ABHD6: variants seen among roughly 807,000 people sequenced by gnomAD.
ABHD6 encodes monoacylglycerol lipase ABHD6.
A neutral mutation model predicts 38.8 loss-of-function variants in ABHD6; 33 were observed. The ratio of observed to expected loss-of-function variants is 0.85; its 90% CI spans 0.64 to 1.14. The LOEUF is 1.14. Among genes scored for constraint, ABHD6 ranks in the 50% most tolerant of loss-of-function variants. ABHD6 has a pLI of 0.00. For missense variants in ABHD6, 380 were observed against 422.6 expected (o/e 0.90, Z 0.88); for synonymous variants, 147 against 161.6 (o/e 0.91, Z 0.69).
Position 58,238,894 on chromosome 3 carries a change from G to C in ABHD6, c.-91+978G>C, listed in dbSNP as rs1234199093. Among the ~76,000 whole-genome samples, 1 of 152,120 alleles carries C rather than the reference G, an allele frequency of 6.6e-6. No individual in the cohort carries two copies. The highest frequency in any genetic ancestry group is 1.5e-5 in the Non-Finnish European group (1 of 68,012). On this transcript the variant is annotated intron_variant, in intron 1 of 9. Coordinates refer to ENST00000478253, the MANE Select transcript of ABHD6 (RefSeq NM_001320126.2). This position sits in a 1 kb window ranked among gnomAD's most constrained non-coding sequence, Gnocchi z 6.9. ...GGCTCCACCTGGCTAAGAGTTTAAA[G>C]TAGTTTATAATGAATAATAGCTGAC...
chr3:58,262,141 C>CA (rs1358943663), intron 3 of ABHD6, among the ~76,000 whole-genome samples: 1 of 152,100 alleles, frequency 6.6e-6, no homozygotes, highest in East Asian at 1.9e-4. Context: ...TAGACAAACT[C>CA]ATAGAGAAAG....
rs1031565545 is a variant in ABHD6 at position 58,265,166 on chromosome 3, C to G, written c.120-2023C>G. Among the ~76,000 whole-genome samples, 11 of 152,180 alleles carry G rather than the reference C, an allele frequency of 7.2e-5. No individual in the cohort carries two copies. Among genetic ancestry groups the G allele is most frequent in the Admixed American group, 6.5e-4 (10 of 15,270 alleles). The stretch of plus-strand genomic sequence containing the variant: ...GCATGTGATGTTTGTCTTTCTGTGT[C>G]TGGCTTACTTCACTTAACATAATGA... On this transcript the variant is annotated intron_variant, in intron 3 of 9. Coordinates refer to ENST00000478253, the MANE Select transcript of ABHD6 (RefSeq NM_001320126.2). This position sits in a 1 kb window ranked among gnomAD's most constrained non-coding sequence, Gnocchi z 4.2.
At chr3:58,284,165 T>C (rs1340702015) in intron 7 of ABHD6, among the ~76,000 whole-genome samples, 1 of 152,178 alleles carries the variant, frequency 6.6e-6, no homozygotes, top group African/African-American at 2.4e-5. Context: ...CAGCCACCAC[T>C]ACCTCTTTGG....
chr3:58,269,315 C>T lies in ABHD6; in HGVS notation c.277-6C>T. 1 of 1,610,904 alleles carries T rather than the reference C, an allele frequency of 6.2e-7. No individual in the cohort carries two copies. Among genetic ancestry groups the T allele is most frequent in the Non-Finnish European group, 8.5e-7 (1 of 1,177,294 alleles). On this transcript the variant is annotated splice_polypyrimidine_tract_variant and splice_region_variant and intron_variant, in intron 4 of 9. Transcript: ENST00000478253. The surrounding 1 kb of genome is among the most constrained non-coding windows in gnomAD (Gnocchi z 4.4). ...ATACTGACTCTCTGGGTCTGTGTGT[C>T]CTCAGTTCCTTCCAAAGAACCTGCA... is the stretch of plus-strand genomic sequence containing the variant.
At position 58,251,493 on chromosome 3, in the gene ABHD6, T is replaced by G. The variant is rs2097429904; in HGVS notation, c.-26+1551T>G. The stretch of plus-strand genomic sequence containing the variant: ...CCAGTTTTCAAAATCAGTGACAACA[T>G]TAAAGAAAATTGTGAGATGTGCCTT... On this transcript the variant is annotated intron_variant, in intron 2 of 9. Coordinates refer to ENST00000478253, the MANE Select transcript of ABHD6 (RefSeq NM_001320126.2). The surrounding 1 kb of genome is among the most constrained non-coding windows in gnomAD (Gnocchi z 5.4). Among the ~76,000 whole-genome samples, 1 of 152,216 alleles carries G rather than the reference T, an allele frequency of 6.6e-6. No individual in the cohort carries two copies. Among genetic ancestry groups the G allele is most frequent in the Non-Finnish European group, 1.5e-5 (1 of 68,032 alleles).
At chr3:58,244,451 C>A (rs879281258) in intron 1 of ABHD6, among the ~76,000 whole-genome samples, 16 of 152,128 alleles carry the variant, frequency 1.1e-4, no homozygotes, top group Admixed American at 1.0e-3. Flanking sequence ...AAAGAGTCTA[C>A]ACAAAATGAA....
rs190450473 is a variant in ABHD6, at chr3:58,240,309, G to C, written c.-91+2393G>C. ...ACTCAGGCTGACCTGGAACTCTTGG[G>C]CTCAAGTGATTCTCCCACCTCAGCC... is the stretch of plus-strand genomic sequence containing the variant. On this transcript the variant is annotated intron_variant, in intron 1 of 9. Transcript: ENST00000478253. Among the ~76,000 whole-genome samples the C allele has an allele frequency of 1.3e-4, 19 of 151,962 alleles. No homozygotes were observed. In the East Asian group the frequency reaches 3.7e-3, roughly 29 times the overall value.
In ABHD6 at chr3:58,288,604, G is replaced by T. The variant is rs1202740933; in HGVS notation, c.837+3151G>T. ...TGAGTGAACAAACCAACTAGTGAAG[G>T]GATAAACCCACTGACTGACTACACA... On this transcript the variant is annotated intron_variant, in intron 9 of 9. Coordinates refer to ENST00000478253, the MANE Select transcript of ABHD6 (RefSeq NM_001320126.2). Among the ~76,000 whole-genome samples, 3 of 72,888 alleles carry T rather than the reference G, an allele frequency of 4.1e-5. No individual in the cohort carries two copies. In the East Asian group the frequency reaches 3.3e-3, roughly 80 times the overall value. 47.8% of individuals were successfully genotyped at this position (72,888 alleles called of 152,430 possible). A position where few individuals can be genotyped will look rare whatever the true frequency, so the allele number is the denominator to read the frequency against.
chr3:58,264,601 G>A (rs1394082123), intron 3 of ABHD6, among the ~76,000 whole-genome samples: 3 of 152,046 alleles, frequency 2.0e-5, no homozygotes, highest in Admixed American at 2.0e-4. Context: ...TGAGGTGGGA[G>A]GGTCAGTTGG....
chr3:58,241,209 A>G (rs1357873769), intron 1 of ABHD6, among the ~76,000 whole-genome samples: 2 of 152,202 alleles, frequency 1.3e-5, no homozygotes, highest in African/African-American at 4.8e-5. Flanking sequence ...CTGAAACTGG[A>G]TATGATTTTC....
chr3:58,284,422 G>A (rs1452728410), intron 7 of ABHD6, among the ~76,000 whole-genome samples: 1 of 150,896 alleles, frequency 6.6e-6, no homozygotes, highest in African/African-American at 2.4e-5. Flanking sequence ...TATTACTGGC[G>A]AATTACTTGA....
At chr3:58,254,466 CT>C (rs1388274559) in intron 2 of ABHD6, among the ~76,000 whole-genome samples, 2 of 152,184 alleles carry the variant, frequency 1.3e-5, no homozygotes, top group Non-Finnish European at 2.9e-5. Context: ...CCGTCTGGCA[CT>C]TTACAGAAAA....
chr3:58,260,732 G>C (rs1251658225), intron 3 of ABHD6, among the ~76,000 whole-genome samples: 2 of 152,216 alleles, frequency 1.3e-5, no homozygotes, highest in Non-Finnish European at 2.9e-5. Context: ...AACAGGATCA[G>C]CAGGCAGTAG....
At position 58,287,215 on chromosome 3, in the gene ABHD6, T is replaced by C. The variant is rs757249991; in HGVS notation, c.837+1762T>C. Among the ~76,000 whole-genome samples, 4 of 152,026 alleles carry C rather than the reference T, an allele frequency of 2.6e-5. No homozygotes were observed. The highest frequency in any genetic ancestry group is 4.1e-4 in the South Asian group (2 of 4,826). ...AGGAGGATCACTTGAGTCCAGGACATGGAGGTGGCAGTGAGCCGTGATTGC... is the reference window on the plus strand; with the variant it reads ...AGGAGGATCACTTGAGTCCAGGACACGGAGGTGGCAGTGAGCCGTGATTGC... On this transcript the variant is annotated intron_variant, in intron 9 of 9. Transcript: ENST00000478253. This position sits in a 1 kb window ranked among gnomAD's most constrained non-coding sequence, Gnocchi z 4.7.
At chr3:58,289,787 G>T (rs1400518516) in intron 9 of ABHD6, among the ~76,000 whole-genome samples, 3 of 152,022 alleles carry the variant, frequency 2.0e-5, no homozygotes, top group Non-Finnish European at 4.4e-5. Flanking sequence ...GGGCAGAGGG[G>T]CTCCTCACTT....
intron 1 of ABHD6, among the ~76,000 whole-genome samples, chr3:58,240,780 G>A (rs2097422258): frequency 6.7e-6 from 1 of 149,018 alleles, no homozygotes; most frequent in Non-Finnish European, 1.5e-5. Flanking sequence ...GCCCAGGCTG[G>A]AGTGCAGTAG....
Position 58,238,413 on chromosome 3 carries a change from C to G in ABHD6, c.-91+497C>G, listed in dbSNP as rs79077706. On this transcript the variant is annotated intron_variant, in intron 1 of 9. Coordinates refer to ENST00000478253, the MANE Select transcript of ABHD6 (RefSeq NM_001320126.2). The surrounding 1 kb of genome is among the most constrained non-coding windows in gnomAD (Gnocchi z 6.9). ...CTCCGCTACTCCCCTCCCCCAGCAG[C>G]CTTTCAGCTTCCCTTTCCCCAGCCT... 0.072 allele frequency: 11,077 copies of G among 153,018 alleles called. 453 individuals carry two copies. Among genetic ancestry groups the G allele is most frequent in the Non-Finnish European group, 0.085 (5,848 of 68,508 alleles). The allele number at this position is 153,018 out of a possible 1,614,324, so 9.5% of individuals were successfully genotyped here.
chr3:58,291,904 C>G (rs1299656228), intron 9 of ABHD6, among the ~76,000 whole-genome samples: 1 of 152,134 alleles, frequency 6.6e-6, no homozygotes, highest in Non-Finnish European at 1.5e-5. Context: ...GAGCCATGAT[C>G]GTGCCACTGC....
rs1575521452 is a variant in ABHD6 at position 58,263,952 on chromosome 3, C to T, written c.120-3237C>T. Among the ~76,000 whole-genome samples, 1 of 152,118 alleles carries T rather than the reference C, an allele frequency of 6.6e-6. No homozygotes were observed. The highest frequency in any genetic ancestry group is 2.1e-4 in the South Asian group (1 of 4,830). ...CTCTTCCCACCTCTCTCCCCCACCA[C>T]TTCATCTGTGTATACTTAACAGTTT... On this transcript the variant is annotated intron_variant, in intron 3 of 9. Coordinates refer to ENST00000478253, the MANE Select transcript of ABHD6 (RefSeq NM_001320126.2). This position sits in a 1 kb window ranked among gnomAD's most constrained non-coding sequence, Gnocchi z 4.9.
Sources: gnomAD v4.1 joint callset for allele counts (sites outside exome capture counted in the v4.1 genomes callset) on GRCh38, gnomAD v4.1.1 for gene constraint, Gnocchi (gnomAD v3.1) non-coding constraint, MANE v1.5 for transcripts, NCBI Gene and HGNC (gene_info 2026-07-23, HGNC 2026-07-21) for gene names.